TMCO5A: variants seen among roughly 807,000 people sequenced by gnomAD.
The protein encoded by TMCO5A is transmembrane and coiled-coil domain-containing protein 5A.
A neutral mutation model predicts 42.3 loss-of-function variants in TMCO5A; 34 were observed. The ratio of observed to expected loss-of-function variants is 0.80; its 90% confidence interval spans 0.61 to 1.07. The LOEUF (loss-of-function observed/expected upper bound fraction) is 1.07, where lower values mean the gene tolerates loss of function less well. TMCO5A is among the 50% of genes least tolerant of loss of function. The pLI, the probability that TMCO5A is intolerant of heterozygous loss-of-function variation, is 0.00. For missense variants in TMCO5A, 357 were observed against 327.9 expected (o/e 1.09, Z -0.69); for synonymous variants, 131 against 115.6 (o/e 1.13, Z -0.86).
At chr15:38,020,646 T>C in the TMCO5A span, 1 of 152,194 alleles carries the variant, frequency 6.6e-6, no homozygotes, top group Non-Finnish European at 1.5e-5. Context: ...GTGATGAATA[T>C]GCTAATTAGC....
intron 6 of TMCO5A, among the ~76,000 whole-genome samples, chr15:37,940,827 A>C (rs1452621647): frequency 6.6e-6 from 1 of 152,176 alleles, no homozygotes; most frequent in Non-Finnish European, 1.5e-5. Context: ...CTGACTGACT[A>C]TATTAAAAGG....
Position 37,936,912 on chromosome 15 carries a change from G to A in TMCO5A, c.206G>A (p.Arg69His), listed in dbSNP as rs140859377. 71 of 1,612,396 alleles carry A rather than the reference G, an allele frequency of 4.4e-5. No homozygotes were observed. In the African/African-American group the frequency reaches 5.9e-4, roughly 13 times the overall value. ...VEDEEWEKEN[R>H]TTMERERALQ... ...GATGAAGAGTGGGAGAAGGAGAACCGCACCACGATGGAAAGGGAAAGAGCC... is the reference window on the plus strand; with the variant it reads ...GATGAAGAGTGGGAGAAGGAGAACCACACCACGATGGAAAGGGAAAGAGCC... The change falls in exon 4 of 12, where the codon CGC (arginine) becomes CAC (histidine). Residue 69 changes from arginine (R) to histidine (H), a missense_variant. Coordinates refer to ENST00000319669, the MANE Select transcript of TMCO5A (RefSeq NM_152453.4).
At chr15:38,038,012 CAA>C in the TMCO5A span, among the ~76,000 whole-genome samples, 1 of 100,234 alleles carries the variant, frequency 1.0e-5, no homozygotes, top group Non-Finnish European at 2.1e-5. Context: ...GACTCCGTCT[CAA>C]AAAAAAAAAA....
At chr15:38,024,187 A>T in the TMCO5A span, among the ~76,000 whole-genome samples, 1 of 152,126 alleles carries the variant, frequency 6.6e-6, no homozygotes. Flanking sequence ...TTCTACTGCC[A>T]CACACCATGC....
the TMCO5A span, among the ~76,000 whole-genome samples, chr15:38,001,362 C>T: frequency 6.6e-6 from 1 of 151,254 alleles, no homozygotes; most frequent in East Asian, 1.9e-4. Context: ...TATAATTGTC[C>T]ATCCCTTTAT....
chr15:37,955,432 G>A (rs1890262940), downstream of TMCO5A, among the ~76,000 whole-genome samples: 1 of 151,750 alleles, frequency 6.6e-6, no homozygotes, highest in South Asian at 2.1e-4. Context: ...TGAACCACAG[G>A]GGTTGCAATC....
the TMCO5A span, among the ~76,000 whole-genome samples, chr15:37,987,557 G>A: frequency 2.0e-5 from 3 of 151,942 alleles, no homozygotes; most frequent in Non-Finnish European, 4.4e-5. Flanking sequence ...TTATGTAAAG[G>A]TCAAAATTGA....
chr15:38,005,914 C>T, the TMCO5A span, among the ~76,000 whole-genome samples: 3 of 152,170 alleles, frequency 2.0e-5, no homozygotes, highest in East Asian at 1.9e-4. Flanking sequence ...ACAGCAATAA[C>T]GGAGGTTTGG....
At chr15:37,974,185 G>T in the TMCO5A span, among the ~76,000 whole-genome samples, 1 of 152,044 alleles carries the variant, frequency 6.6e-6, no homozygotes, top group Non-Finnish European at 1.5e-5. Flanking sequence ...GAGGAATTTT[G>T]CATCTATGTT....
chr15:38,003,222 GTCTCTCTCTC>G, the TMCO5A span, among the ~76,000 whole-genome samples: 1 of 147,054 alleles, frequency 6.8e-6, no homozygotes, highest in Non-Finnish European at 1.5e-5. Context: ...CCCAAACAGA[GTCTCTCTCTC>G]TCTCTCTCTC....
the TMCO5A span, among the ~76,000 whole-genome samples, chr15:38,037,531 A>G: frequency 1.3e-5 from 2 of 152,182 alleles, no homozygotes; most frequent in Admixed American, 6.5e-5. Context: ...AGCAACCAAG[A>G]TAGTACTTGC....
the TMCO5A span, among the ~76,000 whole-genome samples, chr15:38,035,713 T>G: frequency 6.6e-6 from 1 of 152,228 alleles, no homozygotes; most frequent in African/African-American, 2.4e-5. Flanking sequence ...CTACTACTGA[T>G]TGATGACTGT....
chr15:38,012,122 T>TAAAAAAAAAA, the TMCO5A span, among the ~76,000 whole-genome samples: 1 of 101,450 alleles, frequency 9.9e-6, no homozygotes, highest in African/African-American at 3.7e-5. Context: ...AGACTCCGTC[T>TAAAAAAAAAA]CAAAAAAAAA....
downstream of TMCO5A, among the ~76,000 whole-genome samples, chr15:37,972,070 A>G (rs180872770): frequency 8.5e-4 from 130 of 152,260 alleles, no homozygotes; most frequent in Non-Finnish European, 1.5e-3. Flanking sequence ...CTGTTTTCAC[A>G]CTGCTGATGA....
the TMCO5A span, among the ~76,000 whole-genome samples, chr15:38,037,026 G>T: frequency 8.5e-5 from 13 of 152,212 alleles, no homozygotes; most frequent in East Asian, 2.1e-3. Flanking sequence ...AAAAAAGGGG[G>T]AATTCAAAAG....
At chr15:37,949,832 G>T (rs1471898347) in intron 11 of TMCO5A, among the ~76,000 whole-genome samples, 1 of 152,182 alleles carries the variant, frequency 6.6e-6, no homozygotes, top group Non-Finnish European at 1.5e-5. Flanking sequence ...TGGGCCAAGT[G>T]GTACTAGCCA....
chr15:38,002,400 C>A, the TMCO5A span, among the ~76,000 whole-genome samples: 1 of 151,964 alleles, frequency 6.6e-6, no homozygotes, highest in Non-Finnish European at 1.5e-5. Context: ...CTGTTATTTT[C>A]TCTTTAAATA....
rs1250493742 is a variant in TMCO5A at position 37,962,720 on chromosome 15, T to A, written c.669-3905T>A. 2.6e-5 allele frequency among the ~76,000 whole-genome samples: 4 copies of A among 152,152 alleles called. 1 individual carries two copies. The highest frequency in any genetic ancestry group is 2.6e-4 in the Admixed American group (4 of 15,258). The stretch of plus-strand genomic sequence containing the variant: ...CAAATTGCCATTTCTATCTCACTGC[T>A]TGTTATTGGTCTGTTCAGTGTATCT... On this transcript the variant is annotated intron_variant, in intron 11 of 11. Transcript: ENST00000559502.
At chr15:37,997,914 T>C in the TMCO5A span, among the ~76,000 whole-genome samples, 1 of 152,222 alleles carries the variant, frequency 6.6e-6, no homozygotes, top group South Asian at 2.1e-4. Flanking sequence ...AGATTATATT[T>C]CATCGTAATT....
Sources: allele counts gnomAD v4.1 joint callset (sites outside exome capture counted in the v4.1 genomes callset), GRCh38; gene constraint gnomAD v4.1.1; transcripts MANE v1.5; gene names NCBI Gene and HGNC (gene_info 2026-07-23, HGNC 2026-07-21).